Variants in KLHL3 observed in about 807,000 individuals in gnomAD.
KLHL3 encodes the protein kelch like family member 3, also known as kelch-like protein 3.
A neutral mutation model predicts 70.5 loss-of-function variants in KLHL3; 19 were observed. The observed-to-expected ratio is 0.27, with a 90% CI of 0.19 to 0.40. The LOEUF (loss-of-function observed/expected upper bound fraction) is 0.40. Ranked by LOEUF, KLHL3 falls within the 10% of genes least tolerant of loss-of-function variation. The probability of loss-of-function intolerance (pLI) is 1.00; values close to 1 mark genes in which losing one functional copy is unlikely to be tolerated. For missense variants in KLHL3, 512 were observed against 771.1 expected, an observed-to-expected ratio of 0.66 and a Z score of 3.98; for synonymous variants, 258 against 290.3, an observed-to-expected ratio of 0.89 and a Z score of 1.13.
In KLHL3 at chr5:137,626,809, A is replaced by C. The variant is rs146673844; in HGVS notation, c.1592-913T>G. Among the ~76,000 whole-genome samples, 507 of 152,194 alleles carry C rather than the reference A, an allele frequency of 3.3e-3. 16 individuals carry two copies. Among genetic ancestry groups the C allele is most frequent in the Admixed American group, 0.031 (478 of 15,284 alleles). Reference sequence around the variant, plus strand: ...ACTTGAGCCCAGGAGTTCAAGACCAACCTGGGCAACATGGTGAAACCCTGT... The same window carrying C: ...ACTTGAGCCCAGGAGTTCAAGACCACCCTGGGCAACATGGTGAAACCCTGT... On this transcript the variant is annotated intron_variant, in intron 13 of 14. Coordinates refer to ENST00000309755, the MANE Select transcript of KLHL3 (RefSeq NM_017415.3).
At chr5:137,712,641 C>CT (rs1476370388) in intron 2 of KLHL3, among the ~76,000 whole-genome samples, 3 of 152,138 alleles carry the variant, frequency 2.0e-5, no homozygotes, top group African/African-American at 7.2e-5. Context: ...CTATGGGATC[C>CT]TTTTTTCCGA....
chr5:137,647,632 G>C, intron 8 of KLHL3: 1 of 470,340 alleles, frequency 2.1e-6, no homozygotes, highest in Non-Finnish European at 4.4e-6. Flanking sequence ...ACCCTGGTGC[G>C]TGGGGCCGCA....
At chr5:137,651,592 C>T (rs941292302) in intron 8 of KLHL3, among the ~76,000 whole-genome samples, 9 of 152,136 alleles carry the variant, frequency 5.9e-5, no homozygotes, top group African/African-American at 2.2e-4. Flanking sequence ...TGGAGTTATG[C>T]TGTGTTCATG....
chr5:137,627,396 T>C (rs1283515657), intron 13 of KLHL3, among the ~76,000 whole-genome samples: 1 of 151,764 alleles, frequency 6.6e-6, no homozygotes, highest in African/African-American at 2.4e-5. Context: ...AAGGGTCCTG[T>C]AATTCTTTGC....
At chr5:137,658,058 T>TG (rs1751385748) in intron 8 of KLHL3, 73 bp downstream of exon 8, 6 of 1,448,808 alleles carry the variant, frequency 4.1e-6, no homozygotes, top group Non-Finnish European at 5.6e-6. Flanking sequence ...AGGAAAGACT[T>TG]GGAGGCAGGA....
At chr5:137,644,565 TC>T (rs1226986378) in intron 8 of KLHL3, among the ~76,000 whole-genome samples, 1 of 152,150 alleles carries the variant, frequency 6.6e-6, no homozygotes, top group Non-Finnish European at 1.5e-5. Context: ...ATATGGTAGT[TC>T]TACTTTTAAT....
In KLHL3 at chr5:137,723,421, C is replaced by A. The variant is rs78791354; in HGVS notation, c.15-2837G>T. ...TAAGTCCTCTTTAATATCACTCAGACTTTTAGATTTTTCTGTATGAAGACC... is the reference window on the plus strand; with the variant it reads ...TAAGTCCTCTTTAATATCACTCAGAATTTTAGATTTTTCTGTATGAAGACC... On this transcript the variant is annotated intron_variant, in intron 1 of 14. Coordinates refer to ENST00000309755, the MANE Select transcript of KLHL3 (RefSeq NM_017415.3). Among the ~76,000 whole-genome samples, 6 of 152,248 alleles carry A rather than the reference C, an allele frequency of 3.9e-5. No individual in the cohort carries two copies. In the East Asian group the frequency reaches 1.2e-3, roughly 29 times the overall value.
chr5:137,677,755 G>A (rs999542340), intron 5 of KLHL3, 101 bp from the exon 6 acceptor site: 1 of 625,776 alleles, frequency 1.6e-6, no homozygotes, highest in Non-Finnish European at 2.6e-6. Flanking sequence ...TCCTGGAGCA[G>A]GCCAGGGGGA....
At chr5:137,717,240 C>A (rs559380817) in intron 2 of KLHL3, among the ~76,000 whole-genome samples, 7 of 152,308 alleles carry the variant, frequency 4.6e-5, no homozygotes, top group African/African-American at 1.7e-4. Context: ...CATCAAAACC[C>A]ACAAAACCTT....
chr5:137,697,651 A>G (rs1188738380), intron 4 of KLHL3, among the ~76,000 whole-genome samples: 1 of 152,226 alleles, frequency 6.6e-6, no homozygotes, highest in Admixed American at 6.5e-5. Context: ...AGGACCACCA[A>G]ACAGTGAACA....
intron 5 of KLHL3, among the ~76,000 whole-genome samples, chr5:137,677,929 C>T (rs1751926265): frequency 6.6e-6 from 1 of 152,160 alleles, no homozygotes; most frequent in African/African-American, 2.4e-5. Context: ...TTTTTCCATG[C>T]TCCATGAGAT....
rs1354759546 is a variant in KLHL3, at chr5:137,687,309, G to C, written c.526+4976C>G. Among the ~76,000 whole-genome samples the C allele has an allele frequency of 8.5e-5, 3 of 35,210 alleles. 1 individual carries two copies. Among genetic ancestry groups the C allele is most frequent in the Admixed American group, 7.6e-4 (3 of 3,938 alleles). 23.1% of individuals were successfully genotyped at this position (35,210 alleles called of 152,430 possible). A position where few individuals can be genotyped will look rare whatever the true frequency, so the allele number is the denominator to read the frequency against. On this transcript the variant is annotated intron_variant, in intron 5 of 14. Transcript: ENST00000309755. ...AGGTGGGGGGGTCAGCCCCCCGCCC[G>C]GCTGGCTGCCCCGTCCGGGAGGTGA...
chr5:137,700,422 A>C (rs999464901), intron 3 of KLHL3, among the ~76,000 whole-genome samples: 2 of 152,256 alleles, frequency 1.3e-5, no homozygotes, highest in Non-Finnish European at 2.9e-5. Context: ...ACAGCAGTGT[A>C]AATCAGAGCC....
chr5:137,704,280 G>A (rs1449371423), intron 3 of KLHL3, among the ~76,000 whole-genome samples: 1 of 152,120 alleles, frequency 6.6e-6, no homozygotes, highest in African/African-American at 2.4e-5. Context: ...AGCTACTGGG[G>A]AGGCTGAGGC....
At chr5:137,654,805 T>C (rs1001202394) in intron 8 of KLHL3, among the ~76,000 whole-genome samples, 31 of 151,826 alleles carry the variant, frequency 2.0e-4, no homozygotes, top group African/African-American at 7.5e-4. Context: ...TCTTAAGGAG[T>C]AGGGATGACA....
intron 5 of KLHL3, among the ~76,000 whole-genome samples, chr5:137,679,710 C>T (rs544136349): frequency 6.6e-6 from 1 of 152,194 alleles, no homozygotes; most frequent in Non-Finnish European, 1.5e-5. Flanking sequence ...TGTCCCTCCC[C>T]TACTGCAGGG....
rs779527070 is a variant in KLHL3 at position 137,634,165 on chromosome 5, C to T, written c.1322G>A (p.Gly441Glu). 2.5e-6 allele frequency: 4 copies of T among 1,605,524 alleles called. No individual in the cohort carries two copies. In the African/African-American group the frequency reaches 5.4e-5, roughly 21 times the overall value. ...ATAACCCCCAACAGCATATAGCTTC[C>T]CTGCAATAGACAAAGTGGCTGAGTG... The part of the protein sequence containing the change: ...RSSVGVGVVE[G>E]KLYAVGGYDG... The change falls in exon 12 of 15, where the codon GGG (glycine) becomes GAG (glutamate). Residue 441 changes from glycine (G) to glutamate (E), a missense_variant and splice_region_variant. By Grantham distance (98) the Gly-to-Glu change is moderately conservative (BLOSUM62 -2). Transcript: ENST00000309755.
chr5:137,649,217 C>T (rs1033664678), intron 8 of KLHL3, among the ~76,000 whole-genome samples: 12 of 152,248 alleles, frequency 7.9e-5, no homozygotes, highest in Non-Finnish European at 1.5e-4. Context: ...CTTAATACCT[C>T]TCCCCTTAAG....
At chr5:137,677,185 A>G (rs1185995112) in intron 6 of KLHL3, among the ~76,000 whole-genome samples, 1 of 152,100 alleles carries the variant, frequency 6.6e-6, no homozygotes, top group Non-Finnish European at 1.5e-5. Flanking sequence ...GGTGGCTCAC[A>G]CCTGTCATCC....
Sources: allele counts gnomAD v4.1 joint callset (sites outside exome capture counted in the v4.1 genomes callset), GRCh38; gene constraint gnomAD v4.1.1; transcripts MANE v1.5; gene names NCBI Gene and HGNC (gene_info 2026-07-23, HGNC 2026-07-21).